CHD1L: variants seen among roughly 807,000 people sequenced by gnomAD.
CHD1L encodes the protein ATP-dependent chromatin remodeler CHD1L.
In CHD1L, 118 loss-of-function variants were observed where a neutral mutation model predicts 115.9. The observed-to-expected ratio is 1.02, with a 90% CI of 0.88 to 1.19. CHD1L has a LOEUF of 1.19. Among genes scored for constraint, CHD1L ranks in the 50% most tolerant of loss-of-function variants. The pLI, the probability that CHD1L is intolerant of heterozygous loss-of-function variation, is 0.00. For missense variants in CHD1L, 1,179 were observed against 1,065.3 expected (o/e 1.11, Z -1.49); for synonymous variants, 411 against 387.1 (o/e 1.06, Z -0.72).
rs587603738 is a variant in CHD1L, at chr1:147,251,780, C to A, written c.128-843C>A. Reference sequence around the variant, plus strand: ...TTCTGACCTCAGGTGATCTGCCTGCCTCAGCCTCCCAAAGTGCTGGGATTA... The same window carrying A: ...TTCTGACCTCAGGTGATCTGCCTGCATCAGCCTCCCAAAGTGCTGGGATTA... On this transcript the variant is annotated intron_variant, in intron 1 of 22. Transcript: ENST00000369258. 4.6e-5 allele frequency among the ~76,000 whole-genome samples: 7 copies of A among 152,118 alleles called. No homozygotes were observed. The East Asian group carries it at 1.3e-3, about 29-fold the overall frequency.
intron 21 of CHD1L, 137 bp downstream of exon 21, chr1:147,293,859 A>G (rs782732831): frequency 7.4e-6 from 5 of 678,264 alleles, no homozygotes; most frequent in Non-Finnish European, 1.3e-5. Flanking sequence ...TGATCACCCC[A>G]CCGTCTTGTA....
At chr1:147,184,584 G>A in the CHD1L span, 6 of 1,548,298 alleles carry the variant, frequency 3.9e-6, no homozygotes, top group Non-Finnish European at 5.2e-6. The surrounding 1 kb of genome is among the most constrained non-coding windows in gnomAD (Gnocchi z 4.4). Flanking sequence ...GGTATTTGTA[G>A]AATATTCTTC....
the CHD1L span, chr1:147,173,670 C>T: frequency 6.6e-6 from 1 of 152,150 alleles, no homozygotes; most frequent in Non-Finnish European, 1.5e-5. Context: ...TTGCATGTCT[C>T]CTTCTAGAAA....
chr1:147,267,347 G>A (rs1250171152), intron 8 of CHD1L, 79 bp from the exon 9 acceptor site: 2 of 1,027,638 alleles, frequency 1.9e-6, no homozygotes, highest in African/African-American at 3.2e-5. Context: ...AAGGTTACTT[G>A]TAAAAACTCA....
the CHD1L span, among the ~76,000 whole-genome samples, chr1:147,217,957 TG>T: frequency 4.6e-5 from 7 of 152,224 alleles, no homozygotes; most frequent in Non-Finnish European, 7.3e-5. Context: ...AAATGTTTAA[TG>T]GATGCATATC....
chr1:147,282,916 G>T (rs1385068894), intron 15 of CHD1L, among the ~76,000 whole-genome samples: 3 of 152,172 alleles, frequency 2.0e-5, no homozygotes, highest in Non-Finnish European at 4.4e-5. Flanking sequence ...ATATAGGTCC[G>T]CTCTGTGGTA....
the CHD1L span, among the ~76,000 whole-genome samples, chr1:147,207,708 C>G: frequency 6.6e-6 from 1 of 152,182 alleles, no homozygotes; most frequent in Admixed American, 6.5e-5. Flanking sequence ...ATATTGACTT[C>G]TGATCAACCC....
At chr1:147,212,472 G>T in the CHD1L span, 1 of 1,613,798 alleles carries the variant, frequency 6.2e-7, no homozygotes, top group East Asian at 2.2e-5. Flanking sequence ...TCTCTTTCCA[G>T]TGAATCCCTC....
chr1:147,244,882 G>A (rs1243466829), intron 1 of CHD1L, among the ~76,000 whole-genome samples: 1 of 152,094 alleles, frequency 6.6e-6, no homozygotes, highest in East Asian at 1.9e-4. Flanking sequence ...TTCCTGAAAG[G>A]TACCATTTCT....
the CHD1L span, chr1:147,210,059 C>T: frequency 6.6e-6 from 1 of 152,242 alleles, no homozygotes; most frequent in South Asian, 2.1e-4. Flanking sequence ...TGTGCTAGGT[C>T]CTTCATCTAT....
upstream of CHD1L, among the ~76,000 whole-genome samples, chr1:147,241,684 A>T (rs1330716567): frequency 6.6e-5 from 10 of 152,184 alleles, no homozygotes; most frequent in Non-Finnish European, 1.5e-4. Context: ...ACCAATCTGA[A>T]GTCATCCCTT....
intron 1 of CHD1L, among the ~76,000 whole-genome samples, chr1:147,248,524 A>G (rs897519410): frequency 5.9e-5 from 9 of 152,124 alleles, no homozygotes; most frequent in Non-Finnish European, 1.0e-4. Flanking sequence ...TTGTCTTTTA[A>G]TTGGTATACT....
chr1:147,263,340 A>G (rs1293668634), intron 6 of CHD1L, among the ~76,000 whole-genome samples: 1 of 151,536 alleles, frequency 6.6e-6, no homozygotes, highest in African/African-American at 2.4e-5. Flanking sequence ...TGAAGTGGGA[A>G]GATCACTTGA....
the CHD1L span, chr1:147,223,874 C>A: frequency 2.9e-6 from 1 of 343,610 alleles, no homozygotes; most frequent in South Asian, 2.4e-5. Flanking sequence ...AGAGACAAAA[C>A]AAGAGAAGAA....
chr1:147,181,419 TCA>T, the CHD1L span, among the ~76,000 whole-genome samples: 3 of 152,256 alleles, frequency 2.0e-5, no homozygotes, highest in Admixed American at 2.0e-4. Context: ...AAAAACCTCA[TCA>T]CAGAGTGAAG....
intron 14 of CHD1L, 136 bp downstream of exon 14, chr1:147,276,393 A>T: frequency 1.2e-6 from 1 of 837,020 alleles, no homozygotes; most frequent in South Asian, 1.7e-5. Context: ...CACCTGCCAC[A>T]GTGCTGGCTG....
chr1:147,270,707 A>T (rs1200974631), intron 10 of CHD1L, among the ~76,000 whole-genome samples: 1 of 151,930 alleles, frequency 6.6e-6, no homozygotes, highest in African/African-American at 2.4e-5. Context: ...AATAATCTCC[A>T]CTCTAGTTTG....
chr1:147,268,997 C>A, intron 10 of CHD1L, 119 bp downstream of exon 10: 1 of 623,938 alleles, frequency 1.6e-6, no homozygotes, highest in Non-Finnish European at 2.8e-6. Context: ...AACACTGATT[C>A]AGGTTCTGCC....
At chr1:147,272,427 T>TG (rs1553954093) in intron 12 of CHD1L, 146 bp downstream of exon 12, 1 of 583,506 alleles carries the variant, frequency 1.7e-6, no homozygotes. Flanking sequence ...ACATCAAGCA[T>TG]GGTGCTGTTT....
Sources: allele counts gnomAD v4.1 joint callset (sites outside exome capture counted in the v4.1 genomes callset), GRCh38; gene constraint gnomAD v4.1.1; non-coding constraint Gnocchi (gnomAD v3.1); transcripts MANE v1.5; gene names NCBI Gene and HGNC (gene_info 2026-07-23, HGNC 2026-07-21).